LSAMP: variants seen among roughly 807,000 people sequenced by gnomAD.
LSAMP encodes limbic system-associated membrane protein.
A neutral mutation model predicts 38.6 loss-of-function variants in LSAMP; 7 were observed. The ratio of observed to expected loss-of-function variants is 0.18; its 90% CI spans 0.10 to 0.34. The LOEUF is 0.34. LSAMP is among the 10% of genes least tolerant of loss of function. The pLI is 1.00. For missense variants in LSAMP, 313 were observed against 420.0 expected, an observed-to-expected ratio of 0.75 and a Z score of 2.23; for synonymous variants, 154 against 166.8, an observed-to-expected ratio of 0.92 and a Z score of 0.59.
chr3:116,387,332 T>C (rs1246673624), intron 1 of LSAMP, among the ~76,000 whole-genome samples: 1 of 152,092 alleles, frequency 6.6e-6, no homozygotes, highest in East Asian at 1.9e-4. Flanking sequence ...GCATTATAAA[T>C]AAGGAATCAC....
intron 3 of LSAMP, among the ~76,000 whole-genome samples, chr3:115,880,262 C>T (rs1017372033): frequency 3.3e-5 from 5 of 152,070 alleles, no homozygotes; most frequent in Admixed American, 2.0e-4. Context: ...TGGAGTGTCT[C>T]AGATAACGAG....
chr3:116,297,830 G>A (rs2047356422), intron 1 of LSAMP, among the ~76,000 whole-genome samples: 1 of 152,150 alleles, frequency 6.6e-6, no homozygotes, highest in African/African-American at 2.4e-5. Context: ...CTTATAGGAT[G>A]AGTGAAAAAA....
intron 3 of LSAMP, among the ~76,000 whole-genome samples, chr3:115,913,286 A>G (rs1234712840): frequency 6.6e-6 from 1 of 152,224 alleles, no homozygotes; most frequent in African/African-American, 2.4e-5. Context: ...GAGAATGTAA[A>G]TGATACTATG....
At chr3:116,001,220 C>T (rs1478221046) in intron 3 of LSAMP, among the ~76,000 whole-genome samples, 1 of 152,076 alleles carries the variant, frequency 6.6e-6, no homozygotes, top group Non-Finnish European at 1.5e-5. Context: ...AACAGAAAAG[C>T]TTCCTTTGTC....
intron 1 of LSAMP, among the ~76,000 whole-genome samples, chr3:116,413,879 C>A (rs2049012801): frequency 6.7e-6 from 1 of 148,166 alleles, no homozygotes; most frequent in Admixed American, 6.9e-5. Context: ...AAAACAGTCA[C>A]CTGGTAGTCT....
chr3:115,910,775 A>G lies in LSAMP; in HGVS notation c.515-58158T>C, dbSNP rs577173088. ...AATTTTGTCCTTTCAAGAGTATTAT[A>G]TAAATGAAGTTATACAGTATGCAAC... On this transcript the variant is annotated intron_variant, in intron 3 of 6. Transcript: ENST00000490035. 5.3e-5 allele frequency among the ~76,000 whole-genome samples: 8 copies of G among 152,326 alleles called. No homozygotes were observed. In the East Asian group the frequency reaches 1.5e-3, roughly 29 times the overall value.
At chr3:115,985,516 G>A (rs1420055442) in intron 3 of LSAMP, among the ~76,000 whole-genome samples, 7 of 152,138 alleles carry the variant, frequency 4.6e-5, no homozygotes, top group Non-Finnish European at 1.0e-4. Flanking sequence ...AGTGATTCTC[G>A]CCTCCTGATG....
intron 3 of LSAMP, among the ~76,000 whole-genome samples, chr3:115,896,874 C>T (rs1355661832): frequency 6.6e-6 from 1 of 151,936 alleles, no homozygotes; most frequent in African/African-American, 2.4e-5. Flanking sequence ...ATTTCTATGC[C>T]CTGAACATGG....
At chr3:116,321,827 C>T (rs553582426) in intron 1 of LSAMP, among the ~76,000 whole-genome samples, 20 of 152,286 alleles carry the variant, frequency 1.3e-4, no homozygotes, top group African/African-American at 4.6e-4. Context: ...ATTGTTTGGA[C>T]TTTTCAGTTT....
intron 3 of LSAMP, among the ~76,000 whole-genome samples, chr3:116,006,457 G>A (rs1940164378): frequency 6.6e-6 from 1 of 152,196 alleles, no homozygotes; most frequent in Admixed American, 6.5e-5. Context: ...ACAGCTGATG[G>A]ATACAACGTA....
chr3:116,006,174 ATTAGG>A (rs1940153985), intron 3 of LSAMP, among the ~76,000 whole-genome samples: 1 of 152,140 alleles, frequency 6.6e-6, no homozygotes, highest in South Asian at 2.1e-4. Context: ...TTGGGTGATA[ATTAGG>A]TTAAAATGAG....
intron 1 of LSAMP, among the ~76,000 whole-genome samples, chr3:116,255,821 G>A (rs949008102): frequency 5.3e-5 from 8 of 152,088 alleles, no homozygotes; most frequent in South Asian, 2.1e-4. Context: ...ATGCTTCCAG[G>A]AAAAACAAAA....
At chr3:116,019,380 T>C in intron 3 of LSAMP, 135 bp downstream of exon 3, 2 of 1,079,956 alleles carry the variant, frequency 1.9e-6, no homozygotes, top group Non-Finnish European at 2.6e-6. Flanking sequence ...ACAAGATAGA[T>C]GCATGACCTT....
chr3:116,139,781 C>T (rs1453858698), intron 1 of LSAMP, among the ~76,000 whole-genome samples: 1 of 151,942 alleles, frequency 6.6e-6, no homozygotes, highest in African/African-American at 2.4e-5. Flanking sequence ...CAGCTAGAGA[C>T]AACAAACTGC....
intron 3 of LSAMP, among the ~76,000 whole-genome samples, chr3:115,864,653 A>G (rs1935806741): frequency 6.6e-6 from 1 of 152,154 alleles, no homozygotes; most frequent in African/African-American, 2.4e-5. Flanking sequence ...CACTCAGCTT[A>G]TCTTCCTTTC....
At chr3:116,100,978 C>T (rs1171433435) in intron 1 of LSAMP, among the ~76,000 whole-genome samples, 3 of 152,182 alleles carry the variant, frequency 2.0e-5, no homozygotes, top group African/African-American at 4.8e-5. Flanking sequence ...CTAGTTGATT[C>T]TCAGCTTATG....
intron 1 of LSAMP, among the ~76,000 whole-genome samples, chr3:116,244,290 T>C (rs554829608): frequency 3.3e-5 from 5 of 152,306 alleles, no homozygotes; most frequent in African/African-American, 1.2e-4. Flanking sequence ...TCTTTTTCAA[T>C]GACAATACCA....
At chr3:115,997,669 A>G (rs1939851753) in intron 3 of LSAMP, among the ~76,000 whole-genome samples, 2 of 145,362 alleles carry the variant, frequency 1.4e-5, no homozygotes, top group Non-Finnish European at 3.0e-5. Context: ...AGGACTGTGT[A>G]GCTAGGGTGG....
intron 3 of LSAMP, among the ~76,000 whole-genome samples, chr3:116,014,435 C>T (rs979452195): frequency 2.0e-5 from 3 of 151,888 alleles, no homozygotes; most frequent in Non-Finnish European, 2.9e-5. Context: ...GAAAATAAAA[C>T]ATAAGATTGT....
Sources: allele counts gnomAD v4.1 joint callset (sites outside exome capture counted in the v4.1 genomes callset), GRCh38; gene constraint gnomAD v4.1.1; transcripts MANE v1.5; gene names NCBI Gene and HGNC (gene_info 2026-07-23, HGNC 2026-07-21).